Variants in SCN8A observed in about 807,000 individuals in gnomAD.
SCN8A encodes the protein sodium voltage-gated channel alpha subunit 8.
Under a neutral mutation model 184.1 loss-of-function variants are expected in SCN8A, and 30 were observed. The ratio of observed to expected loss-of-function variants is 0.16; its 90% CI spans 0.12 to 0.22. The LOEUF is 0.22. Ranked by LOEUF, SCN8A falls within the 10% of genes least tolerant of loss-of-function variation. The pLI is 1.00. For synonymous variants in SCN8A, 852 were observed against 907.0 expected, an observed-to-expected ratio of 0.94 and a Z score of 1.09; for missense variants, 1,057 against 2,498.9, an observed-to-expected ratio of 0.42 and a Z score of 12.30.
intron 8 of SCN8A, among the ~76,000 whole-genome samples, chr12:51,702,247 A>G (rs1460870637): frequency 6.6e-6 from 1 of 150,626 alleles, no homozygotes; most frequent in Non-Finnish European, 1.5e-5. Context: ...GCTTGAACCC[A>G]GAAGGCAGAG....
chr12:51,772,702 C>T (rs1033058102), intron 19 of SCN8A, among the ~76,000 whole-genome samples: 3 of 151,974 alleles, frequency 2.0e-5, no homozygotes, highest in Non-Finnish European at 2.9e-5. Flanking sequence ...AAAGTGGAGC[C>T]GGGCACGGTA....
chr12:51,614,999 A>T (rs1002522899), intron 1 of SCN8A, among the ~76,000 whole-genome samples: 1 of 152,166 alleles, frequency 6.6e-6, no homozygotes, highest in South Asian at 2.1e-4. Flanking sequence ...CCCATTGATT[A>T]GTAACTGCCC....
rs145321211 is a variant in SCN8A at position 51,691,454 on chromosome 12, C to A, written c.706+2358C>A. ...TTATCCTTTATATATATATATATAT[C>A]TGGAATATATGCAGTATCTAACACA... On this transcript the variant is annotated intron_variant, in intron 6 of 26. Coordinates refer to ENST00000627620, the MANE Select transcript of SCN8A (RefSeq NM_001330260.2). Among the ~76,000 whole-genome samples the A allele has an allele frequency of 1.3e-3, 192 of 150,262 alleles. 4 individuals are homozygous for A. The East Asian group carries it at 0.034, about 27-fold the overall frequency.
At chr12:51,696,466 A>G (rs774417493) in intron 6 of SCN8A, among the ~76,000 whole-genome samples, 3 of 152,192 alleles carry the variant, frequency 2.0e-5, no homozygotes, top group Non-Finnish European at 4.4e-5. Context: ...TTATTTCTTG[A>G]TGGCTGCCTT....
intron 12 of SCN8A, among the ~76,000 whole-genome samples, chr12:51,723,422 T>C (rs144991538): frequency 3.9e-5 from 6 of 152,082 alleles, no homozygotes; most frequent in Non-Finnish European, 8.8e-5. Context: ...AGCCCAAGAG[T>C]TTAAGGCTAC....
At chr12:51,791,521 A>T (rs1222169066) in intron 25 of SCN8A, among the ~76,000 whole-genome samples, 2 of 152,236 alleles carry the variant, frequency 1.3e-5, no homozygotes, top group Non-Finnish European at 2.9e-5. Context: ...AAGAAAGAGA[A>T]CATTTGGGGT....
Position 51,647,444 on chromosome 12 carries a change from A to G in SCN8A, c.-54-15320A>G, listed in dbSNP as rs142841999. ...AGCTTTGGGTAAATTGGGTGGAGTG[A>G]GACGTAGGAAGGAAAGACTTCAGAA... On this transcript the variant is annotated intron_variant, in intron 1 of 26. Transcript: ENST00000627620. Among the ~76,000 whole-genome samples the G allele has an allele frequency of 1.2e-3, 182 of 152,240 alleles. 2 individuals are homozygous for G. Among genetic ancestry groups the G allele is most frequent in the Non-Finnish European group, 1.8e-3 (120 of 68,016 alleles).
rs896109778 is a variant in SCN8A, at chr12:51,662,836, G to T, written c.19G>T (p.Ala7Ser). 1 of 1,613,846 alleles carries T rather than the reference G, an allele frequency of 6.2e-7. No individual in the cohort carries two copies. The highest frequency in any genetic ancestry group is 1.3e-5 in the African/African-American group (1 of 75,044). Reference sequence around the variant, plus strand: ...TGAGAAGATGGCAGCGCGGCTGCTTGCACCACCAGGCCCTGATAGTTTCAA... The same window carrying T: ...TGAGAAGATGGCAGCGCGGCTGCTTTCACCACCAGGCCCTGATAGTTTCAA... MAARLL[A>S]PPGPDSFKPF... The change falls in exon 2 of 27, where the codon GCA (alanine) becomes TCA (serine). Residue 7 changes from alanine (A) to serine (S), a missense_variant. This residue lies in a region of SCN8A where 45 missense variants were observed against 71.3 expected (regional missense o/e 0.63). Transcript: ENST00000627620.
intron 20 of SCN8A, among the ~76,000 whole-genome samples, chr12:51,776,648 G>T (rs1423963332): frequency 6.6e-6 from 1 of 152,220 alleles, no homozygotes; most frequent in East Asian, 1.9e-4. Flanking sequence ...TCCAATCGCT[G>T]CCGCTTTTGA....
chr12:51,678,627 C>T (rs1367959775), intron 2 of SCN8A, among the ~76,000 whole-genome samples: 2 of 152,128 alleles, frequency 1.3e-5, no homozygotes, highest in Non-Finnish European at 2.9e-5. Flanking sequence ...TACAGTTAGG[C>T]AGAGGCAGGG....
chr12:51,731,742 A>G (rs1017700040), intron 12 of SCN8A, among the ~76,000 whole-genome samples: 2 of 152,058 alleles, frequency 1.3e-5, no homozygotes, highest in African/African-American at 2.4e-5. Flanking sequence ...ATTATTGCCT[A>G]TCTTTTGGTT....
chr12:51,682,594 C>T (rs1366181036), intron 2 of SCN8A, among the ~76,000 whole-genome samples: 1 of 152,102 alleles, frequency 6.6e-6, no homozygotes, highest in Non-Finnish European at 1.5e-5. Context: ...CGAAGGTTAT[C>T]ATTAGGTAAT....
chr12:51,599,752 A>G (rs1939425229), intron 1 of SCN8A, among the ~76,000 whole-genome samples: 1 of 152,088 alleles, frequency 6.6e-6, no homozygotes, highest in Admixed American at 6.6e-5. Flanking sequence ...GAAGGGTTGG[A>G]GTAGTGTAGT....
chr12:51,629,626 G>C (rs575347549), intron 1 of SCN8A, among the ~76,000 whole-genome samples: 1 of 149,334 alleles, frequency 6.7e-6, no homozygotes, highest in East Asian at 2.0e-4. Flanking sequence ...TTTAGAGGAC[G>C]TACATAATTG....
intron 15 of SCN8A, among the ~76,000 whole-genome samples, chr12:51,763,169 G>A (rs899937208): frequency 1.8e-4 from 27 of 152,264 alleles, no homozygotes; most frequent in African/African-American, 6.3e-4. Context: ...AATACAGATG[G>A]TTCCCAACTT....
chr12:51,696,324 C>T (rs185621636), intron 6 of SCN8A, among the ~76,000 whole-genome samples: 8 of 152,260 alleles, frequency 5.3e-5, no homozygotes, highest in Non-Finnish European at 1.0e-4. Context: ...AGTAAACTTG[C>T]GTAATTTTAG....
At chr12:51,610,169 C>CAAAA (rs398019572) in intron 1 of SCN8A, among the ~76,000 whole-genome samples, 3 of 55,922 alleles carry the variant, frequency 5.4e-5, no homozygotes, top group East Asian at 6.9e-4. Flanking sequence ...AACTCTGTCT[C>CAAAA]AAAAAAAAAA....
chr12:51,631,634 G>C (rs1940198550), intron 1 of SCN8A, among the ~76,000 whole-genome samples: 1 of 152,170 alleles, frequency 6.6e-6, no homozygotes, highest in African/African-American at 2.4e-5. Context: ...TGATGATCCT[G>C]ACCCTTGATC....
At position 51,784,011 on chromosome 12, in the gene SCN8A, A is replaced by G. The variant is rs150197520; in HGVS notation, c.3943-2531A>G. Among the ~76,000 whole-genome samples, 20 of 152,360 alleles carry G rather than the reference A, an allele frequency of 1.3e-4. No individual in the cohort carries two copies. The East Asian group carries it at 3.7e-3, about 28-fold the overall frequency. On this transcript the variant is annotated intron_variant, in intron 21 of 26. Coordinates refer to ENST00000627620, the MANE Select transcript of SCN8A (RefSeq NM_001330260.2). ...ATTTCATGATAATTAAAGGCAATGT[A>G]GAGTAACTAGAGAACTTGAGAAGAG...
Sources: allele counts gnomAD v4.1 joint callset (sites outside exome capture counted in the v4.1 genomes callset), GRCh38; gene constraint gnomAD v4.1.1; regional missense constraint gnomAD v4.1.1; transcripts MANE v1.5; gene names NCBI Gene and HGNC (gene_info 2026-07-23, HGNC 2026-07-21).